The following RORA variants were observed in gnomAD, a reference collection of about 807,000 sequenced individuals.
RORA encodes the protein RAR related orphan receptor A, also known as nuclear receptor ROR-alpha.
A neutral mutation model predicts 69.5 loss-of-function variants in RORA; 7 were observed. That is an observed-to-expected ratio of 0.10 (90% CI 0.06 to 0.19). RORA has a LOEUF of 0.19. Ranked by LOEUF, RORA falls within the 10% of genes least tolerant of loss-of-function variation. The pLI is 1.00. For missense variants in RORA, 457 were observed against 663.0 expected, an observed-to-expected ratio of 0.69 and a Z score of 3.41; for synonymous variants, 261 against 240.8, an observed-to-expected ratio of 1.08 and a Z score of -0.78.
chr15:60,923,083 A>G (rs1162662023), intron 1 of RORA, among the ~76,000 whole-genome samples: 1 of 152,192 alleles, frequency 6.6e-6, no homozygotes, highest in Non-Finnish European at 1.5e-5. Context: ...TGCACTTTGT[A>G]TCTTTTCTCT....
At position 60,710,633 on chromosome 15, in the gene RORA, G is replaced by A. The variant is rs923689975; in HGVS notation, c.167-31947C>T. Among the ~76,000 whole-genome samples, 5 of 152,224 alleles carry A rather than the reference G, an allele frequency of 3.3e-5. No homozygotes were observed. In the East Asian group the frequency reaches 7.7e-4, roughly 23 times the overall value. ...AAGTCTCAACCCAGGCAAGAGCTCT[G>A]TGATGAGAAGTTGACTATTAATGGC... On this transcript the variant is annotated intron_variant, in intron 1 of 10. Coordinates refer to ENST00000335670, the MANE Select transcript of RORA (RefSeq NM_134261.3).
At chr15:60,784,060 G>T (rs1164740048) in intron 1 of RORA, among the ~76,000 whole-genome samples, 1 of 152,254 alleles carries the variant, frequency 6.6e-6, no homozygotes, top group East Asian at 1.9e-4. Flanking sequence ...CCATGCTTTG[G>T]TTCTCACTGG....
At chr15:61,041,819 T>C (rs978778092) in intron 1 of RORA, among the ~76,000 whole-genome samples, 1 of 152,214 alleles carries the variant, frequency 6.6e-6, no homozygotes, top group African/African-American at 2.4e-5. Flanking sequence ...ACTAAAGTAA[T>C]AGCAAATATT....
At chr15:60,590,316 G>A (rs1371765507) in intron 2 of RORA, among the ~76,000 whole-genome samples, 2 of 152,164 alleles carry the variant, frequency 1.3e-5, no homozygotes, top group Admixed American at 6.5e-5. Flanking sequence ...CTCCAAGTGT[G>A]GGGGTAGCGT....
chr15:61,193,717 A>G (rs970144186), intron 1 of RORA, among the ~76,000 whole-genome samples: 1 of 152,222 alleles, frequency 6.6e-6, no homozygotes, highest in Non-Finnish European at 1.5e-5. Flanking sequence ...TACATATGCA[A>G]TATCCTAACA....
chr15:61,004,553 G>A (rs1894853769), intron 1 of RORA, among the ~76,000 whole-genome samples: 1 of 152,134 alleles, frequency 6.6e-6, no homozygotes, highest in Non-Finnish European at 1.5e-5. Context: ...CAGGTTGAAA[G>A]AGAAGAAATC....
intron 1 of RORA, among the ~76,000 whole-genome samples, chr15:60,863,166 T>G (rs1004126037): frequency 6.6e-6 from 1 of 152,194 alleles, no homozygotes; most frequent in Admixed American, 6.5e-5. Context: ...GTTGAGATAA[T>G]TGAGATTCAG....
At chr15:61,208,901 A>C (rs1374926563) in intron 1 of RORA, among the ~76,000 whole-genome samples, 1 of 152,234 alleles carries the variant, frequency 6.6e-6, no homozygotes, top group Non-Finnish European at 1.5e-5. Flanking sequence ...TTCAATGACC[A>C]GAATGTTTTT....
At chr15:60,764,324 T>G (rs998347566) in intron 1 of RORA, among the ~76,000 whole-genome samples, 2 of 152,020 alleles carry the variant, frequency 1.3e-5, no homozygotes, top group Admixed American at 1.3e-4. Context: ...TGAGTGACCT[T>G]GGGCGAGTCT....
At chr15:60,748,630 C>T (rs1292594745) in intron 1 of RORA, among the ~76,000 whole-genome samples, 1 of 152,156 alleles carries the variant, frequency 6.6e-6, no homozygotes, top group Non-Finnish European at 1.5e-5. Context: ...TAACTGAGTC[C>T]TTGTTCAGTT....
chr15:60,519,090 G>A (rs188993944), intron 3 of RORA, among the ~76,000 whole-genome samples: 404 of 152,066 alleles, frequency 2.7e-3, no homozygotes, highest in Non-Finnish European at 4.5e-3. Context: ...TTTATCACAG[G>A]TCTGGATGTA....
At chr15:60,555,711 A>G (rs913205619) in intron 2 of RORA, among the ~76,000 whole-genome samples, 1 of 152,132 alleles carries the variant, frequency 6.6e-6, no homozygotes, top group African/African-American at 2.4e-5. Context: ...AAGAAAAGGA[A>G]GGTGGTGGCT....
intron 1 of RORA, among the ~76,000 whole-genome samples, chr15:61,156,890 C>A (rs2079448873): frequency 6.6e-6 from 1 of 152,104 alleles, no homozygotes; most frequent in Non-Finnish European, 1.5e-5. Flanking sequence ...CAGCCCAATA[C>A]CATCTATCTT....
intron 1 of RORA, among the ~76,000 whole-genome samples, chr15:61,142,668 T>C (rs1186082262): frequency 6.6e-6 from 1 of 152,116 alleles, no homozygotes; most frequent in Non-Finnish European, 1.5e-5. Flanking sequence ...CACCACCAAA[T>C]AGAGCTTATT....
rs141905301 is a variant in RORA, at chr15:60,519,817, C to G, written c.283-5060G>C. On this transcript the variant is annotated intron_variant, in intron 3 of 10. Coordinates refer to ENST00000335670, the MANE Select transcript of RORA (RefSeq NM_134261.3). ...TGCTTCACCTTATTTCTAAATCACT[C>G]TAGCTCATTTAAACAAACAAACAAA... 5 of 148,122 alleles carry G rather than the reference C, an allele frequency of 3.4e-5. No individual in the cohort carries two copies. In the East Asian group the frequency reaches 9.8e-4, roughly 29 times the overall value. The allele number at this position is 148,122 out of a possible 1,614,324, so 9.2% of individuals were successfully genotyped here.
At chr15:60,834,386 T>C (rs1020170054) in intron 1 of RORA, among the ~76,000 whole-genome samples, 1 of 152,170 alleles carries the variant, frequency 6.6e-6, no homozygotes, top group Non-Finnish European at 1.5e-5. Context: ...ACCACCCTTC[T>C]CAGCCTCAAG....
At position 61,147,469 on chromosome 15, in the gene RORA, C is replaced by G. The variant is rs2079360220; in HGVS notation, c.166+81584G>C. On this transcript the variant is annotated intron_variant, in intron 1 of 10. Coordinates refer to ENST00000335670, the MANE Select transcript of RORA (RefSeq NM_134261.3). This position sits in a 1 kb window ranked among gnomAD's most constrained non-coding sequence, Gnocchi z 4.1. The stretch of plus-strand genomic sequence containing the variant: ...GGACTCTGAAGAAGGAATATGAGAG[C>G]TTCCAGCCCTTGCTAGAAGCTAGCT... Among the ~76,000 whole-genome samples the G allele has an allele frequency of 2.0e-5, 3 of 152,212 alleles. No homozygotes were observed. The South Asian group carries it at 6.2e-4, about 32-fold the overall frequency.
intron 1 of RORA, among the ~76,000 whole-genome samples, chr15:60,751,180 G>A (rs1173151662): frequency 2.0e-5 from 3 of 152,164 alleles, no homozygotes; most frequent in Non-Finnish European, 4.4e-5. Flanking sequence ...CCCCATGGCG[G>A]GGCATCTCTC....
intron 1 of RORA, among the ~76,000 whole-genome samples, chr15:60,986,736 T>C (rs137945419): frequency 6.6e-6 from 1 of 151,774 alleles, no homozygotes; most frequent in Non-Finnish European, 1.5e-5. Flanking sequence ...GTCATTGACC[T>C]GTGTTTGTCT....
Sources: gnomAD v4.1 joint callset for allele counts (sites outside exome capture counted in the v4.1 genomes callset) on GRCh38, gnomAD v4.1.1 for gene constraint, Gnocchi (gnomAD v3.1) non-coding constraint, MANE v1.5 for transcripts, NCBI Gene and HGNC (gene_info 2026-07-23, HGNC 2026-07-21) for gene names.